Variants in LUC7L2 observed in about 807,000 individuals in gnomAD.
The protein encoded by LUC7L2 is LUC7 like 2, pre-mRNA splicing factor, also known as putative RNA-binding protein Luc7-like 2.
LUC7L2 carries 25 observed loss-of-function variants against 52.8 expected under a neutral mutation model. The observed-to-expected ratio is 0.47, with a 90% CI of 0.34 to 0.66. LUC7L2 has a LOEUF of 0.66. Ranked by LOEUF, LUC7L2 falls within the 30% of genes least tolerant of loss-of-function variation. The pLI, the probability that LUC7L2 is intolerant of heterozygous loss-of-function variation, is 0.01. For synonymous variants in LUC7L2, 144 were observed against 160.9 expected (o/e 0.89, Z 0.80); for missense variants, 328 against 497.8 (o/e 0.66, Z 3.25).
chr7:139,409,042 C>T (rs986789866), intron 6 of LUC7L2, among the ~76,000 whole-genome samples: 1 of 151,950 alleles, frequency 6.6e-6, no homozygotes, highest in African/African-American at 2.4e-5. Context: ...GTAATCCCAG[C>T]TCCTCAGGTG....
chr7:139,411,938 T>C (rs573965276), intron 7 of LUC7L2, among the ~76,000 whole-genome samples: 8 of 152,236 alleles, frequency 5.3e-5, no homozygotes, highest in African/African-American at 9.6e-5. Context: ...AGTTGTGATA[T>C]GTAGGTTGAG....
At chr7:139,391,090 T>A (rs1435730889) in intron 2 of LUC7L2, among the ~76,000 whole-genome samples, 3 of 152,240 alleles carry the variant, frequency 2.0e-5, no homozygotes, top group Non-Finnish European at 4.4e-5. Flanking sequence ...TCTGCATTTT[T>A]AAAAATGCCT....
At chr7:139,341,821 G>T (rs987040396) in intron 1 of LUC7L2, among the ~76,000 whole-genome samples, 9 of 152,250 alleles carry the variant, frequency 5.9e-5, no homozygotes, top group African/African-American at 2.2e-4. Flanking sequence ...GCGGAGGGCA[G>T]TCAGGAAAGT....
At chr7:139,349,145 C>T (rs1417611530) in intron 1 of LUC7L2, among the ~76,000 whole-genome samples, 1 of 152,216 alleles carries the variant, frequency 6.6e-6, no homozygotes, top group Non-Finnish European at 1.5e-5. Context: ...CAGAGCAAGA[C>T]TGTGTCTCGG....
At position 139,360,221 on chromosome 7, in the gene LUC7L2, C is replaced by G. The variant is rs1270104292; in HGVS notation, c.-41C>G. The stretch of plus-strand genomic sequence containing the variant: ...ATCCCCCAGCCCAAAAGGGCCCGGT[C>G]TGCGCCCCACCCCCGCCCGTCCGCC... On this transcript the variant is annotated 5_prime_UTR_variant, in exon 1 of 10. Coordinates refer to ENST00000354926, the MANE Select transcript of LUC7L2 (RefSeq NM_016019.5). 4 of 1,506,464 alleles carry G rather than the reference C, an allele frequency of 2.7e-6. No homozygotes were observed. Among genetic ancestry groups the G allele is most frequent in the Non-Finnish European group, 3.6e-6 (4 of 1,111,728 alleles). 93.3% of individuals were successfully genotyped at this position (1,506,464 alleles called of 1,614,324 possible). A position where few individuals can be genotyped will look rare whatever the true frequency, so the allele number is the denominator to read the frequency against.
rs1473198350 is a variant in LUC7L2 at position 139,408,702 on chromosome 7, T to C, written c.688-861T>C. On this transcript the variant is annotated intron_variant, in intron 6 of 9. Coordinates refer to ENST00000354926, the MANE Select transcript of LUC7L2 (RefSeq NM_016019.5). Reference sequence around the variant, plus strand: ...ACTAAAAATATAAAAATTAGCTGGGTGTGGTGGCATGTGCCTGTAGTCCCA... The same window carrying C: ...ACTAAAAATATAAAAATTAGCTGGGCGTGGTGGCATGTGCCTGTAGTCCCA... Among the ~76,000 whole-genome samples the C allele has an allele frequency of 2.6e-5, 4 of 151,740 alleles. No individual in the cohort carries two copies. In the South Asian group the frequency reaches 6.2e-4, roughly 24 times the overall value.
intron 2 of LUC7L2, among the ~76,000 whole-genome samples, chr7:139,389,924 A>G (rs1794357671): frequency 6.6e-6 from 1 of 152,190 alleles, no homozygotes; most frequent in Admixed American, 6.5e-5. Flanking sequence ...AGAAAACAGA[A>G]GTTCAGCTGG....
chr7:139,389,304 T>G (rs1794329231), intron 2 of LUC7L2, among the ~76,000 whole-genome samples: 1 of 152,182 alleles, frequency 6.6e-6, no homozygotes, highest in African/African-American at 2.4e-5. Context: ...TTTTTTTGAC[T>G]CATTTTCAGA....
At chr7:139,407,918 AAC>A (rs1422330255) in intron 6 of LUC7L2, among the ~76,000 whole-genome samples, 3 of 152,212 alleles carry the variant, frequency 2.0e-5, no homozygotes, top group Non-Finnish European at 2.9e-5. Context: ...AGAGGGGATA[AAC>A]ACAAAAAAGC....
chr7:139,381,767 G>T (rs939864018), intron 2 of LUC7L2, among the ~76,000 whole-genome samples: 3 of 151,840 alleles, frequency 2.0e-5, no homozygotes, highest in Non-Finnish European at 4.4e-5. Flanking sequence ...GTAGAGACGG[G>T]GTTTTGCCTT....
chr7:139,421,529 CTTTT>C (rs1390249968), intron 9 of LUC7L2, among the ~76,000 whole-genome samples: 2 of 152,152 alleles, frequency 1.3e-5, no homozygotes, highest in African/African-American at 4.8e-5. Flanking sequence ...GCATCTTTGT[CTTTT>C]TTTATTTCCC....
At chr7:139,402,061 G>C in intron 3 of LUC7L2, 76 bp from the exon 4 acceptor site, 1 of 1,429,570 alleles carries the variant, frequency 7.0e-7, no homozygotes. Context: ...AAAAAGCAAA[G>C]TGTGATTTTT....
At chr7:139,361,383 G>C (rs1189178834) in intron 1 of LUC7L2, among the ~76,000 whole-genome samples, 1 of 152,164 alleles carries the variant, frequency 6.6e-6, no homozygotes, top group Non-Finnish European at 1.5e-5. Context: ...AAGAGAAAAG[G>C]CACGTCTTAA....
chr7:139,345,848 T>C (rs1799247178), intron 1 of LUC7L2: 2 of 899,558 alleles, frequency 2.2e-6, no homozygotes, highest in East Asian at 2.8e-5. Flanking sequence ...AACTGGACAT[T>C]TCATCTTTAC....
chr7:139,392,156 T>C (rs1161697295), intron 2 of LUC7L2, among the ~76,000 whole-genome samples: 2 of 152,218 alleles, frequency 1.3e-5, no homozygotes, highest in Non-Finnish European at 2.9e-5. Flanking sequence ...TTTCTTCTTG[T>C]ATAAAAAACA....
At chr7:139,394,411 A>T (rs1396399779) in intron 2 of LUC7L2, among the ~76,000 whole-genome samples, 1 of 152,100 alleles carries the variant, frequency 6.6e-6, no homozygotes, top group Admixed American at 6.6e-5. Context: ...GTCCACCTCT[A>T]CTATAGTGGT....
chr7:139,363,501 T>C (rs920630541), intron 1 of LUC7L2, among the ~76,000 whole-genome samples: 1 of 152,214 alleles, frequency 6.6e-6, no homozygotes, highest in Non-Finnish European at 1.5e-5. Flanking sequence ...TAATTTGTTA[T>C]ATGGGAAACC....
chr7:139,397,484 T>A (rs972823922), intron 2 of LUC7L2, among the ~76,000 whole-genome samples: 1 of 152,184 alleles, frequency 6.6e-6, no homozygotes, highest in African/African-American at 2.4e-5. Flanking sequence ...CCCTAGCACC[T>A]AAAGTAGTGC....
At chr7:139,380,559 C>T (rs1800960545) in intron 2 of LUC7L2, among the ~76,000 whole-genome samples, 1 of 152,140 alleles carries the variant, frequency 6.6e-6, no homozygotes, top group Non-Finnish European at 1.5e-5. Flanking sequence ...GAGATTGTGC[C>T]ACTGCACTCC....
Sources: gnomAD v4.1 joint callset for allele counts (sites outside exome capture counted in the v4.1 genomes callset) on GRCh38, gnomAD v4.1.1 for gene constraint, MANE v1.5 for transcripts, NCBI Gene and HGNC (gene_info 2026-07-23, HGNC 2026-07-21) for gene names.